Variants in BEGAIN observed in about 807,000 individuals in gnomAD.
BEGAIN encodes brain-enriched guanylate kinase-associated protein.
In BEGAIN, 19 loss-of-function variants were observed where a neutral mutation model predicts 35.8. That is an observed-to-expected ratio of 0.53 (90% CI 0.37 to 0.78). The LOEUF (loss-of-function observed/expected upper bound fraction) is 0.78. Among genes scored for constraint, BEGAIN ranks in the 30% least tolerant of loss-of-function variants. BEGAIN has a pLI of 0.00. For synonymous variants in BEGAIN, 462 were observed against 388.6 expected, an observed-to-expected ratio of 1.19 and a Z score of -2.22; for missense variants, 795 against 853.6, an observed-to-expected ratio of 0.93 and a Z score of 0.85.
Position 100,587,314 on chromosome 14 carries a change from C to A in BEGAIN, c.-24G>T. On this transcript the variant is annotated 5_prime_UTR_variant, in exon 1 of 7. Transcript: ENST00000554140. ...ATGGCCCCAGGGCAGCCGCGCCGCT[C>A]ACCGCCGCCGCCGCTACCGCCGCCC... is the stretch of plus-strand genomic sequence containing the variant. The A allele has an allele frequency of 6.6e-6, 1 of 151,582 alleles. No homozygotes were observed. The highest frequency in any genetic ancestry group is 1.4e-5 in the Non-Finnish European group (1 of 69,530). The allele number at this position is 151,582 out of a possible 1,614,324, so 9.4% of individuals were successfully genotyped here.
Position 100,538,341 on chromosome 14 carries a change from G to A in BEGAIN, c.1467C>T (p.Ser489=). Residue 489 remains serine (S), a synonymous_variant, in exon 7 of 7, where the codon AGC becomes AGT. Transcript: ENST00000554140. ...ADGRASPLYA[S]YKADSFSEGD... ...CCTCGGAGAAGCTGTCGGCCTTGTA[G>A]CTGGCGTAGAGCGGGCTGGCGCGGC... 6.6e-7 allele frequency: 1 copy of A among 1,519,196 alleles called. No individual in the cohort carries two copies. The highest frequency in any genetic ancestry group is 8.8e-7 in the Non-Finnish European group (1 of 1,140,626). The allele number at this position is 1,519,196 out of a possible 1,614,324, so 94.1% of individuals were successfully genotyped here.
intron 1 of BEGAIN, among the ~76,000 whole-genome samples, chr14:100,578,999 TACAGG>T (rs1045638663): frequency 9.2e-5 from 14 of 152,048 alleles, no homozygotes; most frequent in African/African-American, 3.4e-4. Flanking sequence ...TAGTTGAGAC[TACAGG>T]CGCCTGCTAC....
chr14:100,583,419 C>A (rs373268088), intron 1 of BEGAIN, among the ~76,000 whole-genome samples: 100 of 152,122 alleles, frequency 6.6e-4, no homozygotes, highest in African/African-American at 2.3e-3. Context: ...TTCCTTCATC[C>A]ATCCATCCAA....
intron 2 of BEGAIN, among the ~76,000 whole-genome samples, chr14:100,553,602 G>A (rs1408117705): frequency 6.6e-6 from 1 of 152,002 alleles, no homozygotes; most frequent in African/African-American, 2.4e-5. Context: ...CCTCTCCCCT[G>A]GACATGTCCT....
chr14:100,568,053 T>A lies in BEGAIN; in HGVS notation c.43-114A>T. On this transcript the variant is annotated intron_variant, in intron 1 of 6. Coordinates refer to ENST00000554140, the MANE Select transcript of BEGAIN (RefSeq NM_001385089.1). The surrounding 1 kb of genome is among the most constrained non-coding windows in gnomAD (Gnocchi z 7.5). ...GGGCAACCCCGCGGGGCCCCGTCCG[T>A]GGGAAGCCCGGCGCCGCGCGTCCCC... is the stretch of plus-strand genomic sequence containing the variant. 1 of 1,121,662 alleles carries A rather than the reference T, an allele frequency of 8.9e-7. No individual in the cohort carries two copies. Among genetic ancestry groups the A allele is most frequent in the Non-Finnish European group, 1.1e-6 (1 of 916,272 alleles). The allele number at this position is 1,121,662 out of a possible 1,614,324, so 69.5% of individuals were successfully genotyped here.
At chr14:100,540,797 G>A (rs2031488927) in intron 5 of BEGAIN, among the ~76,000 whole-genome samples, 1 of 152,196 alleles carries the variant, frequency 6.6e-6, no homozygotes, top group Admixed American at 6.5e-5. Flanking sequence ...GGAGCATGGA[G>A]GGCCCTGCCG....
chr14:100,545,281 C>T, intron 3 of BEGAIN: 1 of 1,400,214 alleles, frequency 7.1e-7, no homozygotes, highest in South Asian at 1.5e-5. Flanking sequence ...GGCCAGGGCC[C>T]AGGACTGTAT....
chr14:100,585,054 G>T (rs1372913908), intron 1 of BEGAIN, among the ~76,000 whole-genome samples: 2 of 152,046 alleles, frequency 1.3e-5, no homozygotes, highest in East Asian at 1.9e-4. Flanking sequence ...CAGGCCTTGG[G>T]CCAGGCTCCT....
Position 100,568,307 on chromosome 14 carries a change from T to TCCCCCCCCCCCCCCCCTTTACCCCTCCTG in BEGAIN, c.43-369_43-368insCAGGAGGGGTAAAGGGGGGGGGGGGGGGG. 2.8e-6 allele frequency: 2 copies of TCCCCCCCCCCCCCCCCTTTACCCCTCCTG among 707,820 alleles called. No individual in the cohort carries two copies. Among genetic ancestry groups the TCCCCCCCCCCCCCCCCTTTACCCCTCCTG allele is most frequent in the Admixed American group, 2.9e-5 (1 of 34,686 alleles). 43.8% of individuals were successfully genotyped at this position (707,820 alleles called of 1,614,324 possible). On this transcript the variant is annotated intron_variant, in intron 1 of 6. Coordinates refer to ENST00000554140, the MANE Select transcript of BEGAIN (RefSeq NM_001385089.1). This position sits in a 1 kb window ranked among gnomAD's most constrained non-coding sequence, Gnocchi z 7.5. Reference sequence around the variant, plus strand: ...TCTCCGGCGGCCGCGGCCCCGCTGCTCCCCCCGCCCCGCCCGTTAACCCTT... The same window carrying TCCCCCCCCCCCCCCCCTTTACCCCTCCTG: ...TCTCCGGCGGCCGCGGCCCCGCTGCTCCCCCCCCCCCCCCCCTTTACCCCTCCTGCCCCCCGCCCCGCCCGTTAACCCTT...
chr14:100,539,421 G>A, intron 6 of BEGAIN, 106 bp from the exon 7 acceptor site: 1 of 1,463,886 alleles, frequency 6.8e-7, no homozygotes, highest in Non-Finnish European at 9.0e-7. Flanking sequence ...TGACCGACAG[G>A]CAGACAGACG....
At chr14:100,566,025 C>T (rs2034653973) in intron 2 of BEGAIN, among the ~76,000 whole-genome samples, 1 of 152,224 alleles carries the variant, frequency 6.6e-6, no homozygotes, top group Non-Finnish European at 1.5e-5. Flanking sequence ...CGACACTGGC[C>T]AGAAGGGAAG....
intron 2 of BEGAIN, among the ~76,000 whole-genome samples, chr14:100,551,188 A>G (rs1314304984): frequency 1.3e-5 from 2 of 152,134 alleles, no homozygotes; most frequent in South Asian, 2.1e-4. Flanking sequence ...CCTGTGGCCT[A>G]TGTGGGCTGG....
At chr14:100,544,026 C>T (rs1280989473) in intron 4 of BEGAIN, 61 bp from the exon 5 acceptor site, 3 of 1,242,984 alleles carry the variant, frequency 2.4e-6, no homozygotes, top group African/African-American at 1.5e-5. Context: ...CCAACCCAGT[C>T]GCTCGATTGC....
chr14:100,568,957 C>G lies in BEGAIN; in HGVS notation c.43-1018G>C, dbSNP rs2034958844. On this transcript the variant is annotated intron_variant, in intron 1 of 6. Coordinates refer to ENST00000554140, the MANE Select transcript of BEGAIN (RefSeq NM_001385089.1). This position sits in a 1 kb window ranked among gnomAD's most constrained non-coding sequence, Gnocchi z 7.5. ...TCGCGCCGGGCGCCGCCGCCGCGTC[C>G]GCCGGGAGCGCGCTCCGCTCGGGTC... 2 of 983,366 alleles carry G rather than the reference C, an allele frequency of 2.0e-6. No homozygotes were observed. The highest frequency in any genetic ancestry group is 2.3e-4 in the East Asian group (2 of 8,740). 60.9% of individuals were successfully genotyped at this position (983,366 alleles called of 1,614,324 possible). A position where few individuals can be genotyped will look rare whatever the true frequency, so the allele number is the denominator to read the frequency against.
chr14:100,537,796 ACCCT>A lies in BEGAIN; in HGVS notation c.*169_*172del. ...CCGGGTGGACACCGTGGTGTGGGGG[ACCCT>A]CCCCTCAGGCCTACAGGGCTGGGGA... On this transcript the variant is annotated 3_prime_UTR_variant, in exon 7 of 7. Coordinates refer to ENST00000554140, the MANE Select transcript of BEGAIN (RefSeq NM_001385089.1). 9.9e-7 allele frequency: 1 copy of A among 1,005,102 alleles called. No homozygotes were observed. Among genetic ancestry groups the A allele is most frequent in the South Asian group, 1.9e-5 (1 of 53,670 alleles). 62.3% of individuals were successfully genotyped at this position (1,005,102 alleles called of 1,614,324 possible).
At position 100,547,464 on chromosome 14, in the gene BEGAIN, C is replaced by T. The variant is rs868062994; in HGVS notation, c.72-802G>A. On this transcript the variant is annotated intron_variant, in intron 2 of 6. Transcript: ENST00000554140. ...CTCAGGAAACAGAGACCCACTATGACCCACTCTTCCGAGCCACCTGCCAAC... is the reference window on the plus strand; with the variant it reads ...CTCAGGAAACAGAGACCCACTATGATCCACTCTTCCGAGCCACCTGCCAAC... The T allele has an allele frequency of 2.6e-5, 4 of 152,424 alleles. 1 individual carries two copies. Among genetic ancestry groups the T allele is most frequent in the African/African-American group, 9.6e-5 (4 of 41,588 alleles). The allele number at this position is 152,424 out of a possible 1,614,324, so 9.4% of individuals were successfully genotyped here. A position where few individuals can be genotyped will look rare whatever the true frequency, so the allele number is the denominator to read the frequency against.
intron 6 of BEGAIN, among the ~76,000 whole-genome samples, chr14:100,539,577 G>A (rs1256178353): frequency 2.0e-5 from 3 of 152,148 alleles, no homozygotes; most frequent in Non-Finnish European, 4.4e-5. Context: ...TTGGGCCCAG[G>A]AGAGCCCAGA....
chr14:100,576,872 C>T (rs1014780537), intron 1 of BEGAIN, among the ~76,000 whole-genome samples: 5 of 152,196 alleles, frequency 3.3e-5, no homozygotes, highest in African/African-American at 7.2e-5. Context: ...AGCCCAAGCC[C>T]GGACTACCTG....
At chr14:100,551,533 G>A (rs1197873107) in intron 2 of BEGAIN, among the ~76,000 whole-genome samples, 1 of 152,200 alleles carries the variant, frequency 6.6e-6, no homozygotes. Flanking sequence ...AACTGCATAC[G>A]GACAGCCACG....
Sources: gnomAD v4.1 joint callset for allele counts (sites outside exome capture counted in the v4.1 genomes callset) on GRCh38, gnomAD v4.1.1 for gene constraint, Gnocchi (gnomAD v3.1) non-coding constraint, MANE v1.5 for transcripts, NCBI Gene and HGNC (gene_info 2026-07-23, HGNC 2026-07-21) for gene names.